The following KIF5B variants were observed in gnomAD, a reference collection of about 807,000 sequenced individuals.
KIF5B encodes the protein kinesin family member 5B, also known as kinesin-1 heavy chain.
A neutral mutation model predicts 132.8 loss-of-function variants in KIF5B; 49 were observed. The ratio of observed to expected loss-of-function variants is 0.37; its 90% CI spans 0.29 to 0.47. The LOEUF (loss-of-function observed/expected upper bound fraction) is 0.47. KIF5B is among the 20% of genes least tolerant of loss of function. KIF5B has a pLI of 1.00. For synonymous variants in KIF5B, 355 were observed against 369.4 expected (o/e 0.96, Z 0.45); for missense variants, 780 against 1,144.0 (o/e 0.68, Z 4.59).
chr10:32,016,456 C>CA (rs913778833), intron 24 of KIF5B, among the ~76,000 whole-genome samples: 21 of 151,826 alleles, frequency 1.4e-4, no homozygotes, highest in African/African-American at 3.9e-4. Flanking sequence ...AACTCCATCT[C>CA]AAAAAACAAG....
chr10:32,019,236 A>G (rs375611959), intron 20 of KIF5B, among the ~76,000 whole-genome samples: 1 of 152,252 alleles, frequency 6.6e-6, no homozygotes, highest in South Asian at 2.1e-4. Context: ...TATTCTAAAC[A>G]AAATTACAGC....
At chr10:32,014,594 G>A (rs932997931) in intron 25 of KIF5B, among the ~76,000 whole-genome samples, 1 of 151,950 alleles carries the variant, frequency 6.6e-6, no homozygotes, top group African/African-American at 2.4e-5. Context: ...AGTATCTCTA[G>A]ATTTTTTCTA....
At chr10:32,038,095 G>C in intron 6 of KIF5B, 68 bp downstream of exon 6, 1 of 934,482 alleles carries the variant, frequency 1.1e-6, no homozygotes, top group African/African-American at 1.7e-5. Context: ...GGGCGACAGA[G>C]TGAGACTCTG....
intron 24 of KIF5B, among the ~76,000 whole-genome samples, chr10:32,016,431 G>A (rs1352294198): frequency 6.6e-6 from 1 of 152,134 alleles, no homozygotes. Context: ...ACTCCAGCCT[G>A]TGCAACAAGA....
intron 2 of KIF5B, among the ~76,000 whole-genome samples, chr10:32,045,689 G>A (rs908418205): frequency 6.6e-6 from 1 of 152,188 alleles, no homozygotes; most frequent in Non-Finnish European, 1.5e-5. Context: ...ATTTTATTAA[G>A]TAAAGACTAT....
chr10:32,053,257 A>G (rs769567959), intron 1 of KIF5B, among the ~76,000 whole-genome samples: 1 of 152,324 alleles, frequency 6.6e-6, no homozygotes, highest in South Asian at 2.1e-4. Context: ...CTTTTACAAA[A>G]TGAAATAATT....
chr10:32,020,990 T>C, intron 19 of KIF5B, 32 bp downstream of exon 19: 2 of 1,244,146 alleles, frequency 1.6e-6, no homozygotes, highest in South Asian at 2.5e-5. Flanking sequence ...TAACCGATTC[T>C]TTCCTCCTAA....
chr10:32,025,097 C>T (rs1251008038), intron 15 of KIF5B, among the ~76,000 whole-genome samples: 1 of 152,042 alleles, frequency 6.6e-6, no homozygotes, highest in Admixed American at 6.6e-5. Context: ...AAAACCTCAA[C>T]AATAAGAAAA....
chr10:32,026,120 A>G (rs1256717638), intron 15 of KIF5B, among the ~76,000 whole-genome samples: 1 of 152,136 alleles, frequency 6.6e-6, no homozygotes, highest in Non-Finnish European at 1.5e-5. Context: ...ACTGTAACAT[A>G]AAACTGTAAA....
chr10:32,019,706 G>A (rs1390583897), intron 20 of KIF5B, 152 bp downstream of exon 20: 3 of 528,256 alleles, frequency 5.7e-6, no homozygotes, highest in Non-Finnish European at 3.3e-6. Context: ...CAAGTATTTA[G>A]ATATAAATCA....
intron 24 of KIF5B, 33 bp from the exon 25 acceptor site, chr10:32,015,692 A>G: frequency 6.4e-7 from 1 of 1,571,796 alleles, no homozygotes. Flanking sequence ...ACTTTAGAAT[A>G]AAGTTTAAGA....
chr10:32,014,060 T>C (rs1427825308), intron 25 of KIF5B, among the ~76,000 whole-genome samples: 1 of 152,226 alleles, frequency 6.6e-6, no homozygotes, highest in East Asian at 1.9e-4. Context: ...GATCATTTCA[T>C]AATTATCTAG....
At chr10:32,047,171 T>A (rs757905252) in intron 2 of KIF5B, among the ~76,000 whole-genome samples, 23 of 152,162 alleles carry the variant, frequency 1.5e-4, no homozygotes, top group Non-Finnish European at 2.4e-4. Context: ...TTGTTCTAAG[T>A]CAGGGACTGT....
chr10:32,032,835 A>G (rs1841418640), intron 12 of KIF5B, 61 bp from the exon 13 acceptor site: 8 of 1,231,140 alleles, frequency 6.5e-6, no homozygotes, highest in Admixed American at 1.7e-5. Context: ...TTGTTTCCCA[A>G]TACAGGTTAT....
At chr10:32,020,714 T>A (rs1592439788) in intron 19 of KIF5B, among the ~76,000 whole-genome samples, 1 of 152,192 alleles carries the variant, frequency 6.6e-6, no homozygotes, top group South Asian at 2.1e-4. Context: ...CATCAGCCAC[T>A]GCACCCAGCC....
At chr10:32,048,695 T>C (rs1013101271) in intron 1 of KIF5B, 144 bp from the exon 2 acceptor site, 6 of 567,392 alleles carry the variant, frequency 1.1e-5, no homozygotes, top group Non-Finnish European at 1.8e-5. Flanking sequence ...ATCTTTGAAG[T>C]AGAAGGGATC....
chr10:32,030,968 G>A (rs182621730), intron 14 of KIF5B, 105 bp downstream of exon 14: 2 of 758,370 alleles, frequency 2.6e-6, no homozygotes, highest in African/African-American at 1.8e-5. Context: ...GAAAATTGAT[G>A]TTATCGATAT....
intron 2 of KIF5B, among the ~76,000 whole-genome samples, chr10:32,047,779 A>C (rs1382987790): frequency 6.6e-6 from 1 of 152,214 alleles, no homozygotes; most frequent in East Asian, 1.9e-4. Context: ...ATTTTGCCTC[A>C]ATCTAAGAAG....
In KIF5B at chr10:32,056,080, G is replaced by C. The variant is rs1490660046; in HGVS notation, c.-107C>G. On this transcript the variant is annotated 5_prime_UTR_variant, in exon 1 of 26. Coordinates refer to ENST00000302418, the MANE Select transcript of KIF5B (RefSeq NM_004521.3). ...GTGGTCGCGAGGGCCGTGAGAGGCA[G>C]CAGTCAGCTGCGCCGCGCTGCGCTT... 2 of 1,376,842 alleles carry C rather than the reference G, an allele frequency of 1.5e-6. No individual in the cohort carries two copies. Among genetic ancestry groups the C allele is most frequent in the African/African-American group, 2.9e-5 (2 of 68,294 alleles). The allele number at this position is 1,376,842 out of a possible 1,614,324, so 85.3% of individuals were successfully genotyped here.
Sources: gnomAD v4.1 joint callset for allele counts (sites outside exome capture counted in the v4.1 genomes callset) on GRCh38, gnomAD v4.1.1 for gene constraint, MANE v1.5 for transcripts, NCBI Gene and HGNC (gene_info 2026-07-23, HGNC 2026-07-21) for gene names.